Variants in STARD13 observed in about 807,000 individuals in gnomAD.
STARD13 encodes StAR related lipid transfer domain containing 13, also known as stAR-related lipid transfer protein 13.
Under a neutral mutation model 106.4 loss-of-function variants are expected in STARD13, and 62 were observed. The ratio of observed to expected loss-of-function variants is 0.58; its 90% confidence interval spans 0.48 to 0.72. STARD13 has a LOEUF of 0.72. Among genes scored for constraint, STARD13 ranks in the 30% least tolerant of loss-of-function variants. The pLI, the probability that STARD13 is intolerant of heterozygous loss-of-function variation, is 0.00. For synonymous variants in STARD13, 565 were observed against 553.0 expected, an observed-to-expected ratio of 1.02 and a Z score of -0.31; for missense variants, 1,387 against 1,424.0, an observed-to-expected ratio of 0.97 and a Z score of 0.42.
chr13:33,518,214 A>T, the STARD13 span, among the ~76,000 whole-genome samples: 1 of 152,158 alleles, frequency 6.6e-6, no homozygotes, highest in African/African-American at 2.4e-5. Flanking sequence ...TTTTACTGTT[A>T]CACTGCCAAA....
chr13:33,563,783 G>A, the STARD13 span, among the ~76,000 whole-genome samples: 1 of 147,508 alleles, frequency 6.8e-6, no homozygotes, highest in African/African-American at 2.5e-5. Context: ...AAAGTGAAGA[G>A]ACAACCTACA....
At chr13:33,383,275 G>A in the STARD13 span, among the ~76,000 whole-genome samples, 2 of 152,132 alleles carry the variant, frequency 1.3e-5, no homozygotes, top group Admixed American at 6.5e-5. Flanking sequence ...GCTCATGTCT[G>A]TAATCCCAGC....
At chr13:33,182,984 A>G (rs867028052) in intron 1 of STARD13, among the ~76,000 whole-genome samples, 2 of 152,180 alleles carry the variant, frequency 1.3e-5, no homozygotes, top group African/African-American at 2.4e-5. Flanking sequence ...CTGCTGTTGC[A>G]TATCCCACGC....
chr13:33,391,948 G>A, the STARD13 span, among the ~76,000 whole-genome samples: 1,916 of 152,178 alleles, frequency 0.013, 48 homozygotes, highest in African/African-American at 0.043. Flanking sequence ...GAAAAGCTCC[G>A]TGATATAATA....
chr13:33,259,275 C>A (rs558253133), intron 1 of STARD13, among the ~76,000 whole-genome samples: 27 of 152,340 alleles, frequency 1.8e-4, no homozygotes, highest in African/African-American at 6.5e-4. Context: ...GAGATTGTTA[C>A]AGTCCTTGTT....
the STARD13 span, among the ~76,000 whole-genome samples, chr13:33,561,358 C>T: frequency 6.6e-6 from 1 of 151,466 alleles, no homozygotes; most frequent in Non-Finnish European, 1.5e-5. Context: ...TTATTTTCAT[C>T]CTGCAACTAT....
chr13:33,174,053 A>T (rs1480682228), intron 1 of STARD13, among the ~76,000 whole-genome samples: 1 of 152,186 alleles, frequency 6.6e-6, no homozygotes, highest in East Asian at 1.9e-4. Context: ...AAATCTAGTC[A>T]CTTAATTCCT....
At chr13:33,458,129 T>C in the STARD13 span, among the ~76,000 whole-genome samples, 39 of 151,658 alleles carry the variant, frequency 2.6e-4, no homozygotes, top group Middle Eastern at 3.4e-3. Context: ...CCAAAGTAAT[T>C]ATATAAAAAC....
chr13:33,175,491 T>A (rs572726126), intron 1 of STARD13, among the ~76,000 whole-genome samples: 2 of 152,296 alleles, frequency 1.3e-5, no homozygotes, highest in African/African-American at 4.8e-5. Context: ...GTGCATGAGA[T>A]TCTGCAGATT....
intron 1 of STARD13, among the ~76,000 whole-genome samples, chr13:33,226,926 C>T (rs572313140): frequency 6.6e-6 from 1 of 152,142 alleles, no homozygotes; most frequent in African/African-American, 2.4e-5. Context: ...TTTTAGGGAT[C>T]TTAACACATT....
intron 3 of STARD13, among the ~76,000 whole-genome samples, chr13:33,163,431 A>G (rs1238587056): frequency 6.6e-6 from 1 of 151,484 alleles, no homozygotes; most frequent in African/African-American, 2.4e-5. Flanking sequence ...CTCTGCTAAA[A>G]ATACCAAAAT....
chr13:33,314,004 A>G (rs1320491868), intron 1 of STARD13, among the ~76,000 whole-genome samples: 1 of 152,008 alleles, frequency 6.6e-6, no homozygotes, highest in Admixed American at 6.6e-5. Flanking sequence ...TTTTCCATGT[A>G]TCTCCATCAC....
chr13:33,178,885 AT>A (rs1884966217), intron 1 of STARD13, among the ~76,000 whole-genome samples: 1 of 152,250 alleles, frequency 6.6e-6, no homozygotes, highest in South Asian at 2.1e-4. Flanking sequence ...CTAAATGAAT[AT>A]CTGGAGTCTA....
chr13:33,506,249 A>T, the STARD13 span, among the ~76,000 whole-genome samples: 1 of 152,210 alleles, frequency 6.6e-6, no homozygotes, highest in African/African-American at 2.4e-5. Context: ...ATACTTGAGG[A>T]AAAGCATGTG....
chr13:33,243,766 A>G (rs1594157178), intron 1 of STARD13, among the ~76,000 whole-genome samples: 2 of 152,054 alleles, frequency 1.3e-5, no homozygotes, highest in South Asian at 2.1e-4. Flanking sequence ...TTCTCATATT[A>G]TCAGTGGAGT....
At chr13:33,184,701 T>C (rs950227650) in intron 1 of STARD13, among the ~76,000 whole-genome samples, 3 of 152,250 alleles carry the variant, frequency 2.0e-5, no homozygotes, top group Admixed American at 6.5e-5. Flanking sequence ...AGTTTACTGC[T>C]GCAATCCTGG....
At chr13:33,663,064 C>G in the STARD13 span, among the ~76,000 whole-genome samples, 1 of 152,162 alleles carries the variant, frequency 6.6e-6, no homozygotes, top group Admixed American at 6.5e-5. Flanking sequence ...AAATAATTTT[C>G]TAATATCAAA....
At chr13:33,534,533 T>G in the STARD13 span, among the ~76,000 whole-genome samples, 1 of 152,228 alleles carries the variant, frequency 6.6e-6, no homozygotes, top group Non-Finnish European at 1.5e-5. Flanking sequence ...TTAAAGATAT[T>G]TGAAACTACA....
the STARD13 span, among the ~76,000 whole-genome samples, chr13:33,607,545 C>T: frequency 6.6e-6 from 1 of 152,090 alleles, no homozygotes; most frequent in Non-Finnish European, 1.5e-5. Context: ...ATCCGCCTGC[C>T]TCAGCCTCCC....
Sources: gnomAD v4.1 joint callset for allele counts (sites outside exome capture counted in the v4.1 genomes callset) on GRCh38, gnomAD v4.1.1 for gene constraint, MANE v1.5 for transcripts, NCBI Gene and HGNC (gene_info 2026-07-23, HGNC 2026-07-21) for gene names.